Variants in AGGF1 observed in about 807,000 individuals in gnomAD.
The protein encoded by AGGF1 is angiogenic factor with G patch and FHA domains 1.
AGGF1 carries 56 observed loss-of-function variants against 86.5 expected under a neutral mutation model. The observed-to-expected ratio is 0.65, with a 90% CI of 0.52 to 0.81. The LOEUF (loss-of-function observed/expected upper bound fraction) is 0.81. AGGF1 is among the 30% of genes least tolerant of loss of function. AGGF1 has a pLI of 0.00. For missense variants in AGGF1, 816 were observed against 850.9 expected (o/e 0.96, Z 0.51); for synonymous variants, 313 against 297.1 (o/e 1.05, Z -0.55).
intron 3 of AGGF1, 142 bp downstream of exon 3, chr5:77,035,885 A>G (rs934090632): frequency 2.6e-6 from 2 of 779,616 alleles, no homozygotes; most frequent in South Asian, 1.7e-5. Flanking sequence ...TATGCAAAGA[A>G]TGTTGTAGTT....
intron 10 of AGGF1, 117 bp from the exon 11 acceptor site, chr5:77,055,397 C>A: frequency 1.4e-6 from 1 of 694,946 alleles, no homozygotes; most frequent in Non-Finnish European, 2.5e-6. Context: ...TTTATTTCAA[C>A]TTCTGGTTAA....
rs753285795 is a variant in AGGF1 at position 77,030,797 on chromosome 5, T to TCGC, written c.42_44dup (p.Pro15dup). 113 of 1,594,324 alleles carry TCGC rather than the reference T, an allele frequency of 7.1e-5. No homozygotes were observed. The highest frequency in any genetic ancestry group is 1.6e-4 in the South Asian group (14 of 90,044). On this transcript the variant is annotated inframe_insertion, in exon 1 of 14. Coordinates refer to ENST00000312916, the MANE Select transcript of AGGF1 (RefSeq NM_018046.5). Reference sequence around the variant, plus strand: ...CTCGGAGGCGCCGTCCCCGCCGCGGTCGCCGCCGCCGCCCACCTCCCCCGA... The same window carrying TCGC: ...CTCGGAGGCGCCGTCCCCGCCGCGGTCGCCGCCGCCGCCGCCCACCTCCCCCGA...
intron 8 of AGGF1, among the ~76,000 whole-genome samples, chr5:77,049,878 CTA>C (rs1747338840): frequency 6.6e-6 from 1 of 151,974 alleles, no homozygotes; most frequent in African/African-American, 2.4e-5. Context: ...CTTTCCTGTA[CTA>C]TGTTTTCTGT....
chr5:77,050,651 A>T (rs1324435873), intron 8 of AGGF1, among the ~76,000 whole-genome samples: 1 of 152,222 alleles, frequency 6.6e-6, no homozygotes, highest in African/African-American at 2.4e-5. Flanking sequence ...TGACCACTAG[A>T]TAGAAGACTT....
chr5:77,040,211 T>G (rs1220752381), intron 5 of AGGF1, among the ~76,000 whole-genome samples: 3 of 151,512 alleles, frequency 2.0e-5, no homozygotes, highest in Non-Finnish European at 4.4e-5. Context: ...CAGGTTCAAG[T>G]GATTCTCCTG....
chr5:77,061,481 AT>A (rs1580138130), intron 12 of AGGF1, among the ~76,000 whole-genome samples: 1 of 152,200 alleles, frequency 6.6e-6, no homozygotes, highest in Admixed American at 6.5e-5. Flanking sequence ...TTGCTATTAG[AT>A]TTGCTGGAAG....
At position 77,046,485 on chromosome 5, in the gene AGGF1, A is replaced by G. The variant is rs1369844215; in HGVS notation, c.1009A>G (p.Thr337Ala). The change falls in exon 6 of 14, where the codon ACT (threonine) becomes GCT (alanine). Residue 337 changes from threonine (T) to alanine (A), a missense_variant. Around this residue, in one of 3 missense-constraint regions of AGGF1, gnomAD observed 565 missense variants for 585.8 expected, o/e 0.96. Transcript: ENST00000312916. ...KNSPPKVTVPTSGNTIESPLH... is the reference protein window; with the variant it reads ...KNSPPKVTVPASGNTIESPLH... ...TAGTCCCCCCAAAGTCACTGTTCCA[A>G]CTAGTGGAAATACTATAGAGTCTCC... is the stretch of plus-strand genomic sequence containing the variant. 5 of 1,614,074 alleles carry G rather than the reference A, an allele frequency of 3.1e-6. No homozygotes were observed. The East Asian group carries it at 8.9e-5, about 29-fold the overall frequency.
chr5:77,045,961 C>T (rs1164284907), intron 5 of AGGF1, among the ~76,000 whole-genome samples: 1 of 152,166 alleles, frequency 6.6e-6, no homozygotes, highest in African/African-American at 2.4e-5. Context: ...GTTTGTGTTA[C>T]ATTTTTATTG....
intron 5 of AGGF1, among the ~76,000 whole-genome samples, chr5:77,043,708 T>C (rs1263931367): frequency 9.7e-5 from 11 of 113,238 alleles, no homozygotes; most frequent in Non-Finnish European, 1.5e-4. Flanking sequence ...CCGGACGGGG[T>C]GGCTGCCGGG....
At chr5:77,050,586 A>G (rs1347261354) in intron 8 of AGGF1, among the ~76,000 whole-genome samples, 1 of 152,186 alleles carries the variant, frequency 6.6e-6, no homozygotes, top group African/African-American at 2.4e-5. Context: ...ATGTATCCAA[A>G]TAGATGAAAA....
chr5:77,039,913 T>C (rs1250616114), intron 5 of AGGF1, among the ~76,000 whole-genome samples, 194 bp downstream of exon 5: 1 of 152,158 alleles, frequency 6.6e-6, no homozygotes, highest in Non-Finnish European at 1.5e-5. Flanking sequence ...AAAGCATTTC[T>C]TAAAATTTGA....
At chr5:77,035,877 T>A in intron 3 of AGGF1, 134 bp downstream of exon 3, 1 of 796,676 alleles carries the variant, frequency 1.3e-6, no homozygotes. Context: ...TGTGTAATTA[T>A]GCAAAGAATG....
chr5:77,052,868 T>C, intron 9 of AGGF1, 61 bp downstream of exon 9: 1 of 1,307,756 alleles, frequency 7.6e-7, no homozygotes, highest in Non-Finnish European at 1.1e-6. Flanking sequence ...TTTTTTTTAT[T>C]TCTGAAGGGC....
chr5:77,056,805 A>G (rs1028693880), intron 11 of AGGF1, among the ~76,000 whole-genome samples: 2 of 152,206 alleles, frequency 1.3e-5, no homozygotes, highest in South Asian at 2.1e-4. Context: ...TAAAGACACT[A>G]TTAAGAGAAT....
At chr5:77,054,983 C>G (rs73764635) in intron 10 of AGGF1, among the ~76,000 whole-genome samples, 18,707 of 152,096 alleles carry the variant, frequency 0.12, 1,246 homozygotes, top group East Asian at 0.28. Context: ...TTCAGCCCAG[C>G]CATCGAAAGC....
intron 5 of AGGF1, among the ~76,000 whole-genome samples, chr5:77,045,051 C>G (rs557922609): frequency 3.4e-5 from 5 of 145,358 alleles, no homozygotes; most frequent in Admixed American, 2.8e-4. Flanking sequence ...GGCGACAGAG[C>G]GAGACTCCGT....
intron 5 of AGGF1, among the ~76,000 whole-genome samples, chr5:77,042,522 CGGCT>C (rs1747120419): frequency 4.6e-5 from 3 of 65,084 alleles, no homozygotes; most frequent in Admixed American, 1.7e-4. Flanking sequence ...CCGGACGGGG[CGGCT>C]GGCCGGGCAG....
In AGGF1 at chr5:77,035,613, A is replaced by G; in HGVS notation, c.386A>G (p.Asp129Gly). 1 of 1,613,598 alleles carries G rather than the reference A, an allele frequency of 6.2e-7. No homozygotes were observed. The highest frequency in any genetic ancestry group is 8.5e-7 in the Non-Finnish European group (1 of 1,179,656). The change falls in exon 3 of 14, where the codon GAT (aspartate) becomes GGT (glycine). Residue 129 changes from aspartate to glycine, a missense_variant. By Grantham distance (94) the Asp-to-Gly change is moderately conservative. Transcript: ENST00000312916. The part of the protein sequence containing the change: ...NKVTELSDQQ[D>G]QAIETSILNS... Reference sequence around the variant, plus strand: ...GTGACTGAACTGTCAGATCAACAAGATCAAGCTATCGAAACTTCTATTTTG... The same window carrying G: ...GTGACTGAACTGTCAGATCAACAAGGTCAAGCTATCGAAACTTCTATTTTG...
At chr5:77,041,507 C>T (rs942075750) in intron 5 of AGGF1, among the ~76,000 whole-genome samples, 2 of 143,040 alleles carry the variant, frequency 1.4e-5, no homozygotes, top group African/African-American at 5.2e-5. Context: ...GCGGAGGTTG[C>T]AGTGAGCCAG....
Sources: gnomAD v4.1 joint callset for allele counts (sites outside exome capture counted in the v4.1 genomes callset) on GRCh38, gnomAD v4.1.1 for gene constraint, gnomAD v4.1.1 regional missense constraint, MANE v1.5 for transcripts, NCBI Gene and HGNC (gene_info 2026-07-23, HGNC 2026-07-21) for gene names.